The following REDIC1 variants were observed in gnomAD, a reference collection of about 807,000 sequenced individuals.
REDIC1 encodes the protein regulator of DNA class I crossover intermediates 1, also known as HEI10 Interacting Protein 1.
chr12:39,646,666 G>T, the REDIC1 span, among the ~76,000 whole-genome samples: 1 of 151,690 alleles, frequency 6.6e-6, no homozygotes, highest in Non-Finnish European at 1.5e-5. Flanking sequence ...TCATAAAAAT[G>T]TCTGTATCTA....
chr12:39,780,099 G>A, the REDIC1 span, among the ~76,000 whole-genome samples: 2 of 152,100 alleles, frequency 1.3e-5, no homozygotes, highest in African/African-American at 2.4e-5. Flanking sequence ...ATTGACTAAC[G>A]TTTGTATAGA....
At chr12:39,712,339 T>C in the REDIC1 span, among the ~76,000 whole-genome samples, 1 of 62,394 alleles carries the variant, frequency 1.6e-5, no homozygotes, top group African/African-American at 4.4e-5. Flanking sequence ...TTTATATACC[T>C]GTATTTATAT....
the REDIC1 span, among the ~76,000 whole-genome samples, chr12:39,822,209 G>T: frequency 6.6e-6 from 1 of 151,868 alleles, no homozygotes; most frequent in Non-Finnish European, 1.5e-5. Context: ...TGAGAATGAT[G>T]ATTTCCAAGA....
chr12:39,696,900 A>T, the REDIC1 span, among the ~76,000 whole-genome samples: 1 of 152,064 alleles, frequency 6.6e-6, no homozygotes, highest in East Asian at 1.9e-4. Context: ...AGAAAAAATA[A>T]AAAAGAATGA....
the REDIC1 span, among the ~76,000 whole-genome samples, chr12:39,738,675 A>G: frequency 6.6e-6 from 1 of 152,232 alleles, no homozygotes; most frequent in Admixed American, 6.5e-5. Flanking sequence ...TATGTTTGAT[A>G]GTCAATTCTC....
chr12:39,906,111 C>A, the REDIC1 span, among the ~76,000 whole-genome samples: 64,024 of 133,928 alleles, frequency 0.48, 13,886 homozygotes, highest in East Asian at 0.77. Context: ...TGGACAAAAT[C>A]TAATTCTTGC....
At chr12:39,718,096 A>G in the REDIC1 span, among the ~76,000 whole-genome samples, 1 of 151,906 alleles carries the variant, frequency 6.6e-6, no homozygotes, top group Admixed American at 6.6e-5. Context: ...CCGAGTCTTG[A>G]TGATGTTCAT....
the REDIC1 span, among the ~76,000 whole-genome samples, chr12:39,709,230 T>G: frequency 3.3e-5 from 5 of 151,350 alleles, no homozygotes; most frequent in African/African-American, 7.3e-5. Flanking sequence ...TTATGTGTTT[T>G]TTTTTTTTTT....
the REDIC1 span, among the ~76,000 whole-genome samples, chr12:39,711,591 A>ATGTGAATACACATGCATGTG: frequency 3.8e-5 from 1 of 26,062 alleles, no homozygotes; most frequent in South Asian, 1.2e-3. Flanking sequence ...ATGCATGTGT[A>ATGTGAATACACATGCATGTG]TATGTGTATA....
the REDIC1 span, among the ~76,000 whole-genome samples, chr12:39,715,846 GA>G: frequency 6.6e-6 from 1 of 151,938 alleles, no homozygotes; most frequent in Non-Finnish European, 1.5e-5. Flanking sequence ...TTATTGGGGT[GA>G]AATGCCCTTA....
At chr12:39,818,299 A>T in the REDIC1 span, among the ~76,000 whole-genome samples, 3 of 142,880 alleles carry the variant, frequency 2.1e-5, no homozygotes, top group East Asian at 6.3e-4. Flanking sequence ...AGTTGGGGGG[A>T]GGGGGAGAAG....
the REDIC1 span, among the ~76,000 whole-genome samples, chr12:39,895,625 C>T: frequency 0.22 from 1,144 of 5,146 alleles, 168 homozygotes; most frequent in Non-Finnish European, 0.5. Context: ...TATATACGTA[C>T]ACACATATGT....
At chr12:39,723,988 G>A in the REDIC1 span, among the ~76,000 whole-genome samples, 1 of 151,974 alleles carries the variant, frequency 6.6e-6, no homozygotes, top group African/African-American at 2.4e-5. Context: ...ACATTTCTTG[G>A]GCATCCCTCA....
At chr12:39,649,715 G>A in the REDIC1 span, among the ~76,000 whole-genome samples, 10 of 151,648 alleles carry the variant, frequency 6.6e-5, no homozygotes, top group African/African-American at 2.4e-4. Flanking sequence ...AATATAATAA[G>A]TTACATTTAT....
the REDIC1 span, among the ~76,000 whole-genome samples, chr12:39,761,529 T>C: frequency 2.0e-5 from 3 of 152,066 alleles, no homozygotes; most frequent in African/African-American, 7.2e-5. Flanking sequence ...GAAGAGTTGC[T>C]ATTAAGATAC....
chr12:39,710,585 A>G, the REDIC1 span, among the ~76,000 whole-genome samples: 28 of 151,826 alleles, frequency 1.8e-4, no homozygotes, highest in African/African-American at 6.3e-4. Flanking sequence ...CCTCTATCCC[A>G]TATGTTAGTT....
the REDIC1 span, among the ~76,000 whole-genome samples, chr12:39,713,240 ATGTGTACACACACATACG>A: frequency 2.1e-5 from 2 of 93,254 alleles, no homozygotes; most frequent in African/African-American, 9.0e-5. Flanking sequence ...ACGTGTATAT[ATGTGTACACACACATACG>A]TGTATATATG....
chr12:39,632,143 C>T, the REDIC1 span, among the ~76,000 whole-genome samples: 1 of 151,954 alleles, frequency 6.6e-6, no homozygotes, highest in Admixed American at 6.6e-5. Flanking sequence ...GTTGCCCAGG[C>T]TGGAGTGCAC....
the REDIC1 span, among the ~76,000 whole-genome samples, chr12:39,907,016 T>C: frequency 1.3e-5 from 2 of 152,186 alleles, no homozygotes; most frequent in Admixed American, 6.6e-5. Context: ...TAGTGAGTTA[T>C]TTATTAGAAG....
Sources: gnomAD v4.1 joint callset for allele counts (sites outside exome capture counted in the v4.1 genomes callset) on GRCh38, gnomAD v4.1.1 for gene constraint, MANE v1.5 for transcripts, NCBI Gene and HGNC (gene_info 2026-07-23, HGNC 2026-07-21) for gene names.